NT5DC3: variants seen among roughly 807,000 people sequenced by gnomAD.
NT5DC3 encodes 5'-nucleotidase domain containing 3, also known as 5'-nucleotidase domain-containing protein 3.
NT5DC3 carries 42 observed loss-of-function variants against 67.8 expected under a neutral mutation model. The ratio of observed to expected loss-of-function variants is 0.62; its 90% confidence interval spans 0.48 to 0.80. The LOEUF (loss-of-function observed/expected upper bound fraction) is 0.80, where lower values mean the gene tolerates loss of function less well. NT5DC3 is among the 30% of genes least tolerant of loss of function. The pLI is 0.00. For missense variants in NT5DC3, 570 were observed against 696.4 expected, an observed-to-expected ratio of 0.82 and a Z score of 2.04; for synonymous variants, 237 against 255.6, an observed-to-expected ratio of 0.93 and a Z score of 0.69.
At chr12:103,799,660 C>T (rs962532982) in intron 4 of NT5DC3, among the ~76,000 whole-genome samples, 4 of 152,122 alleles carry the variant, frequency 2.6e-5, no homozygotes, top group South Asian at 2.1e-4. Context: ...GACTAAACCC[C>T]GTGACATGAG....
the NT5DC3 span, among the ~76,000 whole-genome samples, chr12:103,752,564 G>T: frequency 6.6e-6 from 1 of 152,306 alleles, no homozygotes; most frequent in African/African-American, 2.4e-5. Context: ...AGTATCTTAG[G>T]GGGAAATGAA....
chr12:103,755,497 G>A, the NT5DC3 span: 1 of 1,611,332 alleles, frequency 6.2e-7, no homozygotes, highest in African/African-American at 1.3e-5. Flanking sequence ...TTCAGGTTCT[G>A]GGCCACACAG....
the NT5DC3 span, among the ~76,000 whole-genome samples, chr12:103,760,512 C>T: frequency 6.6e-6 from 1 of 152,306 alleles, no homozygotes; most frequent in Non-Finnish European, 1.5e-5. Flanking sequence ...ATGCCTGCCT[C>T]GGCCTTCCAA....
Position 103,773,867 on chromosome 12 carries a change from T to A in NT5DC3, c.*3962A>T, listed in dbSNP as rs879347818. ...CTTTTCAATTCTCCTTTGCAATAAT[T>A]AAGAGTGCCAATGCATTCAAAGCAA... On this transcript the variant is annotated 3_prime_UTR_variant, in exon 14 of 14. Transcript: ENST00000392876. The A allele has an allele frequency of 6.6e-6, 1 of 152,664 alleles. No individual in the cohort carries two copies. Among genetic ancestry groups the A allele is most frequent in the Non-Finnish European group, 1.5e-5 (1 of 68,044 alleles). 9.5% of individuals were successfully genotyped at this position (152,664 alleles called of 1,614,324 possible).
At chr12:103,778,216 C>T in intron 13 of NT5DC3, 135 bp from the exon 14 acceptor site, 1 of 937,946 alleles carries the variant, frequency 1.1e-6, no homozygotes, top group Non-Finnish European at 1.5e-6. Context: ...TAGCCTAGAG[C>T]AGCCCCAAAT....
At chr12:103,838,967 G>A (rs1318364609) in intron 1 of NT5DC3, among the ~76,000 whole-genome samples, 1 of 152,194 alleles carries the variant, frequency 6.6e-6, no homozygotes, top group Non-Finnish European at 1.5e-5. Context: ...AGAACATGAT[G>A]GGGGAGATGG....
rs757389915 is a variant in NT5DC3, at chr12:103,777,934, G to A, written c.1542C>T (p.His514=). The change falls in exon 14 of 14, where the codon CAC becomes CAT. Residue 514 remains histidine, a synonymous_variant. Transcript: ENST00000392876. Reference sequence around the variant, plus strand: ...GTGGAGTCCTCCGGGGGTAGAAAGTGTGGCTGACGTCATAGTTCAGGAGGC... The same window carrying A: ...GTGGAGTCCTCCGGGGGTAGAAAGTATGGCTGACGTCATAGTTCAGGAGGC... The part of the protein sequence containing the change: ...LSCLLNYDVS[H]TFYPRRTPLQ... 2 of 1,614,234 alleles carry A rather than the reference G, an allele frequency of 1.2e-6. No homozygotes were observed. The highest frequency in any genetic ancestry group is 1.7e-5 in the Admixed American group (1 of 60,034).
chr12:103,782,896 G>GA (rs1388582316), intron 12 of NT5DC3, among the ~76,000 whole-genome samples: 1 of 152,148 alleles, frequency 6.6e-6, no homozygotes, highest in Admixed American at 6.5e-5. Flanking sequence ...TGAGAGAGGA[G>GA]AACTGCTTGA....
intron 7 of NT5DC3, 107 bp from the exon 8 acceptor site, chr12:103,793,619 A>G (rs1886165411): frequency 1.3e-6 from 1 of 745,990 alleles, no homozygotes; most frequent in Non-Finnish European, 2.3e-6. Context: ...GGCACAGGAA[A>G]GGGAATAAAG....
intron 1 of NT5DC3, among the ~76,000 whole-genome samples, chr12:103,835,315 G>A (rs1303274558): frequency 6.6e-6 from 1 of 152,176 alleles, no homozygotes; most frequent in Non-Finnish European, 1.5e-5. Context: ...AAAGCCTCAT[G>A]AATGACCCCA....
chr12:103,799,415 G>A (rs984990275), intron 4 of NT5DC3, among the ~76,000 whole-genome samples: 5 of 152,130 alleles, frequency 3.3e-5, no homozygotes, highest in Admixed American at 1.3e-4. Flanking sequence ...TAAGTCTCAC[G>A]AAATCTGATG....
At chr12:103,790,489 G>A (rs539641813) in intron 9 of NT5DC3, among the ~76,000 whole-genome samples, 1 of 151,904 alleles carries the variant, frequency 6.6e-6, no homozygotes, top group Non-Finnish European at 1.5e-5. Flanking sequence ...TTGAACTCCT[G>A]ACCTCAGGTG....
At chr12:103,810,440 C>T (rs1362478075) in intron 2 of NT5DC3, among the ~76,000 whole-genome samples, 1 of 152,092 alleles carries the variant, frequency 6.6e-6, no homozygotes, top group Admixed American at 6.5e-5. Context: ...CAGGACTTTT[C>T]GTAGTTTAGA....
rs1885359921 is a variant in NT5DC3, at chr12:103,776,887, C to G, written c.*942G>C. 6.6e-6 allele frequency: 1 copy of G among 152,184 alleles called. No individual in the cohort carries two copies. Among genetic ancestry groups the G allele is most frequent in the Non-Finnish European group, 1.5e-5 (1 of 68,034 alleles). The allele number at this position is 152,184 out of a possible 1,614,324, so 9.4% of individuals were successfully genotyped here. The stretch of plus-strand genomic sequence containing the variant: ...ACAAAGGACTGTTTCTGGTAAATCT[C>G]ATGTTTTAACAGGATTCCAATTCAA... On this transcript the variant is annotated 3_prime_UTR_variant, in exon 14 of 14. Coordinates refer to ENST00000392876, the MANE Select transcript of NT5DC3 (RefSeq NM_001031701.3).
downstream of NT5DC3, among the ~76,000 whole-genome samples, chr12:103,767,717 C>T (rs961544103): frequency 3.9e-5 from 6 of 151,918 alleles, no homozygotes; most frequent in African/African-American, 9.7e-5. Context: ...TGATTTGCAC[C>T]GAGACCCCTT....
intron 1 of NT5DC3, among the ~76,000 whole-genome samples, chr12:103,819,895 C>T (rs1390783623): frequency 6.6e-6 from 1 of 152,200 alleles, no homozygotes; most frequent in Non-Finnish European, 1.5e-5. Flanking sequence ...TTCTTTTCTT[C>T]TTGCAAAACT....
chr12:103,771,952 C>T (rs1885193964), downstream of NT5DC3, among the ~76,000 whole-genome samples: 1 of 152,032 alleles, frequency 6.6e-6, no homozygotes, highest in Non-Finnish European at 1.5e-5. Flanking sequence ...CACCCACCAT[C>T]ACAGGTACAC....
the NT5DC3 span, among the ~76,000 whole-genome samples, chr12:103,757,030 T>A: frequency 6.9e-4 from 99 of 143,056 alleles, 1 homozygote; most frequent in Middle Eastern, 3.6e-3. Context: ...TATATATATA[T>A]AAAATATATA....
chr12:103,779,285 T>C (rs906246783), intron 13 of NT5DC3, among the ~76,000 whole-genome samples: 2 of 152,154 alleles, frequency 1.3e-5, no homozygotes, highest in African/African-American at 4.8e-5. Flanking sequence ...ATCCCTATCA[T>C]ACAAACACAG....
Sources: allele counts gnomAD v4.1 joint callset (sites outside exome capture counted in the v4.1 genomes callset), GRCh38; gene constraint gnomAD v4.1.1; transcripts MANE v1.5; gene names NCBI Gene and HGNC (gene_info 2026-07-23, HGNC 2026-07-21).